PCDHGB7: variants seen among roughly 807,000 people sequenced by gnomAD.
PCDHGB7 encodes protocadherin gamma-B7.
In PCDHGB7, 37 loss-of-function variants were observed where a neutral mutation model predicts 61.4. The observed-to-expected ratio is 0.60, with a 90% CI of 0.46 to 0.79. PCDHGB7 has a LOEUF of 0.79. Among genes scored for constraint, PCDHGB7 ranks in the 30% least tolerant of loss-of-function variants. The pLI is 0.00. For missense variants in PCDHGB7, 1,166 were observed against 1,202.5 expected (o/e 0.97, Z 0.45); for synonymous variants, 464 against 503.5 (o/e 0.92, Z 1.05).
Position 141,485,684 on chromosome 5 carries a change from A to T in PCDHGB7, c.2416-9123A>T, listed in dbSNP as rs746176226. On this transcript the variant is annotated intron_variant, in intron 1 of 3. Transcript: ENST00000398594. The surrounding 1 kb of genome is among the most constrained non-coding windows in gnomAD (Gnocchi z 5.7). ...GGGGAGCAATTCGATTAGCAGCTAT[A>T]GGCTGAGCTCCAATGAACACTTTGC... 1 of 1,614,056 alleles carries T rather than the reference A, an allele frequency of 6.2e-7. No homozygotes were observed. The highest frequency in any genetic ancestry group is 1.1e-5 in the South Asian group (1 of 91,082).
At chr5:141,427,092 G>T in intron 1 of PCDHGB7, 1 of 458,134 alleles carries the variant, frequency 2.2e-6, no homozygotes, top group Non-Finnish European at 4.4e-6. Flanking sequence ...CCAGGATGAG[G>T]GTGTCAATGC....
At chr5:141,421,278 G>A (rs764787116) in intron 1 of PCDHGB7, 1 of 1,612,872 alleles carries the variant, frequency 6.2e-7, no homozygotes, top group African/African-American at 1.3e-5. Flanking sequence ...TGCTGCTGCT[G>A]TGCATTTTCC....
At chr5:141,450,460 TTATA>T (rs1234300844) in intron 1 of PCDHGB7, among the ~76,000 whole-genome samples, 1 of 152,104 alleles carries the variant, frequency 6.6e-6, no homozygotes, top group Non-Finnish European at 1.5e-5. Flanking sequence ...CCTCGTGATT[TTATA>T]TATAGAGTTT....
In PCDHGB7 at chr5:141,477,595, T is replaced by C. The variant is rs1289890776; in HGVS notation, c.2416-17212T>C. The C allele has an allele frequency of 6.2e-7, 1 of 1,614,176 alleles. No individual in the cohort carries two copies. Among genetic ancestry groups the C allele is most frequent in the Non-Finnish European group, 8.5e-7 (1 of 1,180,032 alleles). ...ACGCCCCGCAGAATGCTCGGCTTTC[T>C]TTCTTTCTCTTGGAGCAAGGAGCTG... On this transcript the variant is annotated intron_variant, in intron 1 of 3. Coordinates refer to ENST00000398594, the MANE Select transcript of PCDHGB7 (RefSeq NM_018927.4). This position sits in a 1 kb window ranked among gnomAD's most constrained non-coding sequence, Gnocchi z 4.9.
intron 2 of PCDHGB7, among the ~76,000 whole-genome samples, chr5:141,504,008 C>G (rs2099835164): frequency 6.6e-6 from 1 of 152,208 alleles, no homozygotes; most frequent in South Asian, 2.1e-4. Flanking sequence ...ACTTAACTGT[C>G]TCTGCTGGTC....
chr5:141,511,233 TACCTGC>T lies in PCDHGB7; in HGVS notation c.*64_*69del. 4 of 1,595,428 alleles carry T rather than the reference TACCTGC, an allele frequency of 2.5e-6. No individual in the cohort carries two copies. The highest frequency in any genetic ancestry group is 3.4e-6 in the Non-Finnish European group (4 of 1,170,894). ...CTCCCCAACCAGCCCAGCTTCTCCT[TACCTGC>T]ACCCAGGCCTCAGAGTTTCAGGGCT... On this transcript the variant is annotated 3_prime_UTR_variant, in exon 4 of 4. Transcript: ENST00000398594.
In PCDHGB7 at chr5:141,495,640, G is replaced by A. The variant is rs149177775; in HGVS notation, c.2474+775G>A. 1.2e-3 allele frequency among the ~76,000 whole-genome samples: 177 copies of A among 152,150 alleles called. 1 individual carries two copies. The highest frequency in any genetic ancestry group is 4.1e-3 in the African/African-American group (171 of 41,498). ...ACCTCAGCCTCAGTCCCTTTCATTT[G>A]TCTACTTGCATTGATCTGTGCCGCC... On this transcript the variant is annotated intron_variant, in intron 2 of 3. Transcript: ENST00000398594.
At position 141,486,671 on chromosome 5, in the gene PCDHGB7, C is replaced by G. The variant is rs1307620045; in HGVS notation, c.2416-8136C>G. 24 of 1,613,926 alleles carry G rather than the reference C, an allele frequency of 1.5e-5. No homozygotes were observed. The highest frequency in any genetic ancestry group is 2.7e-5 in the African/African-American group (2 of 74,932). Reference sequence around the variant, plus strand: ...CTACTCACTCCTGGAGCCCAGGAATCGAGATGTATCAGCTTCCTCTTTCAT... The same window carrying G: ...CTACTCACTCCTGGAGCCCAGGAATGGAGATGTATCAGCTTCCTCTTTCAT... On this transcript the variant is annotated intron_variant, in intron 1 of 3. Transcript: ENST00000398594. The surrounding 1 kb of genome is among the most constrained non-coding windows in gnomAD (Gnocchi z 5.0).
At chr5:141,498,012 A>T (rs184213306) in intron 2 of PCDHGB7, among the ~76,000 whole-genome samples, 6 of 152,348 alleles carry the variant, frequency 3.9e-5, no homozygotes, top group Non-Finnish European at 8.8e-5. Context: ...CAGTGCACTG[A>T]AGGAGACAAA....
intron 1 of PCDHGB7, chr5:141,475,984 G>T: frequency 1.9e-6 from 2 of 1,069,308 alleles, no homozygotes; most frequent in South Asian, 3.1e-5. Context: ...AACAGCCGGC[G>T]AGCAAATCAA....
At chr5:141,441,709 C>T in intron 1 of PCDHGB7, 1 of 321,306 alleles carries the variant, frequency 3.1e-6, no homozygotes, top group Non-Finnish European at 6.1e-6. Flanking sequence ...TTCAAGCTCA[C>T]GCTGCAGGCC....
intron 1 of PCDHGB7, among the ~76,000 whole-genome samples, chr5:141,464,265 AAAAAAAAAAAAAGC>A (rs1446781862): frequency 7.4e-6 from 1 of 135,276 alleles, no homozygotes; most frequent in Non-Finnish European, 1.6e-5. Flanking sequence ...ACTCCGTCTA[AAAAAAAAAAAAAGC>A]AAAAAAAAAA....
intron 1 of PCDHGB7, among the ~76,000 whole-genome samples, chr5:141,454,730 A>C (rs2098797371): frequency 6.7e-6 from 1 of 150,092 alleles, no homozygotes; most frequent in Admixed American, 6.7e-5. Context: ...TATATGTTAT[A>C]GGATGAAAAG....
Position 141,476,370 on chromosome 5 carries a change from A to G in PCDHGB7, c.2416-18437A>G, listed in dbSNP as rs747703594. 13 of 1,613,882 alleles carry G rather than the reference A, an allele frequency of 8.1e-6. No individual in the cohort carries two copies. In the East Asian group the frequency reaches 2.7e-4, roughly 33 times the overall value. On this transcript the variant is annotated intron_variant, in intron 1 of 3. Transcript: ENST00000398594. This position sits in a 1 kb window ranked among gnomAD's most constrained non-coding sequence, Gnocchi z 7.6. ...TTTGAGGTGAACCGGGAGACCGGAG[A>G]GATGTTTGTGAACGACCGTCTGGAT...
intron 1 of PCDHGB7, chr5:141,422,315 C>T: frequency 6.5e-7 from 1 of 1,547,896 alleles, no homozygotes; most frequent in Non-Finnish European, 8.7e-7. Flanking sequence ...AACTCTCCTC[C>T]AGGTACAGTG....
At chr5:141,502,483 G>A (rs773081419) in intron 2 of PCDHGB7, among the ~76,000 whole-genome samples, 42 of 152,144 alleles carry the variant, frequency 2.8e-4, no homozygotes, top group Non-Finnish European at 4.7e-4. Context: ...GCATCACACT[G>A]GGACTCATCT....
Position 141,421,812 on chromosome 5 carries a change from A to G in PCDHGB7, c.2415+1538A>G, listed in dbSNP as rs779804436. On this transcript the variant is annotated intron_variant, in intron 1 of 3. Transcript: ENST00000398594. ...CGGATGGGGCCAAGAATCCAGAGCTAGTACTGGAGGGAAGCCTGGACCGAG... is the reference window on the plus strand; with the variant it reads ...CGGATGGGGCCAAGAATCCAGAGCTGGTACTGGAGGGAAGCCTGGACCGAG... 9.9e-6 allele frequency: 16 copies of G among 1,613,704 alleles called. 1 individual carries two copies. In the South Asian group the frequency reaches 1.5e-4, roughly 16 times the overall value.
At chr5:141,472,010 C>T (rs1305786275) in intron 1 of PCDHGB7, among the ~76,000 whole-genome samples, 1 of 151,978 alleles carries the variant, frequency 6.6e-6, no homozygotes, top group Non-Finnish European at 1.5e-5. Flanking sequence ...CGTATAGGGG[C>T]ACTATATTGT....
Position 141,436,047 on chromosome 5 carries a change from T to G in PCDHGB7, c.2415+15773T>G, listed in dbSNP as rs141900903. On this transcript the variant is annotated intron_variant, in intron 1 of 3. Transcript: ENST00000398594. ...ATACTAAATTTGTATTTACATTAGT[T>G]TTCAAATAGAATTTAATAAGTACAG... is the stretch of plus-strand genomic sequence containing the variant. Among the ~76,000 whole-genome samples the G allele has an allele frequency of 1.0e-2, 1,517 of 152,280 alleles. 31 individuals carry two copies. The highest frequency in any genetic ancestry group is 0.034 in the African/African-American group (1,420 of 41,552).
Sources: allele counts gnomAD v4.1 joint callset (sites outside exome capture counted in the v4.1 genomes callset), GRCh38; gene constraint gnomAD v4.1.1; non-coding constraint Gnocchi (gnomAD v3.1); transcripts MANE v1.5; gene names NCBI Gene and HGNC (gene_info 2026-07-23, HGNC 2026-07-21).